Variants in VWA8 observed in about 807,000 individuals in gnomAD.
The protein encoded by VWA8 is von Willebrand factor A domain containing 8, also known as von Willebrand factor A domain-containing protein 8.
VWA8 carries 221 observed loss-of-function variants against 241.5 expected under a neutral mutation model. The observed-to-expected ratio is 0.91, with a 90% CI of 0.82 to 1.02. The LOEUF (loss-of-function observed/expected upper bound fraction) is 1.02. VWA8 is among the 50% of genes least tolerant of loss of function. The pLI is 0.00. For synonymous variants in VWA8, 852 were observed against 827.1 expected, an observed-to-expected ratio of 1.03 and a Z score of -0.52; for missense variants, 2,322 against 2,328.7, an observed-to-expected ratio of 1.00 and a Z score of 0.06.
chr13:41,881,795 A>C (rs1233108291), intron 9 of VWA8, among the ~76,000 whole-genome samples: 3 of 131,382 alleles, frequency 2.3e-5, no homozygotes, highest in South Asian at 5.3e-4. Context: ...ACTTCCCAGT[A>C]GGGGCGGCCG....
At chr13:41,747,289 C>T (rs940197776) in intron 21 of VWA8, among the ~76,000 whole-genome samples, 3 of 151,980 alleles carry the variant, frequency 2.0e-5, no homozygotes, top group East Asian at 1.9e-4. Context: ...AGTGGTTTGT[C>T]GTTCTCCTTG....
chr13:41,928,728 C>T (rs1876964471), intron 2 of VWA8, among the ~76,000 whole-genome samples: 1 of 151,304 alleles, frequency 6.6e-6, no homozygotes, highest in Non-Finnish European at 1.5e-5. Flanking sequence ...AAATAAACAT[C>T]ATAACAGAAA....
chr13:41,618,022 T>C (rs2044632917), intron 37 of VWA8, among the ~76,000 whole-genome samples: 1 of 152,230 alleles, frequency 6.6e-6, no homozygotes, highest in Non-Finnish European at 1.5e-5. Context: ...CAAATGGTAT[T>C]TCTAGTTCTA....
intron 20 of VWA8, among the ~76,000 whole-genome samples, chr13:41,765,956 C>CTGTG (rs1470357929): frequency 6.6e-6 from 1 of 152,114 alleles, no homozygotes; most frequent in Non-Finnish European, 1.5e-5. Flanking sequence ...TTCTGCTGGA[C>CTGTG]TGTGCTCTTC....
At chr13:41,902,202 T>C (rs189316165) in intron 4 of VWA8, among the ~76,000 whole-genome samples, 11 of 152,206 alleles carry the variant, frequency 7.2e-5, no homozygotes, top group Non-Finnish European at 1.6e-4. Context: ...TGATGAAATA[T>C]TGTACGGATA....
At chr13:41,833,556 C>G in intron 12 of VWA8, 25 bp from the exon 13 acceptor site, 1 of 1,577,532 alleles carries the variant, frequency 6.3e-7, no homozygotes, top group Non-Finnish European at 8.6e-7. Flanking sequence ...CACCACCCAA[C>G]AAAGAACATG....
At chr13:41,583,642 CAAAAAAAAAA>C (rs935505646) in intron 42 of VWA8, among the ~76,000 whole-genome samples, 22 of 42,182 alleles carry the variant, frequency 5.2e-4, no homozygotes, top group East Asian at 2.0e-3. Context: ...GACTCCATCT[CAAAAAAAAAA>C]AAAAAAAAAA....
At chr13:41,940,366 G>T (rs1877542128) in intron 2 of VWA8, among the ~76,000 whole-genome samples, 1 of 151,758 alleles carries the variant, frequency 6.6e-6, no homozygotes, top group Non-Finnish European at 1.5e-5. Flanking sequence ...AAGTAAGAGG[G>T]TATCAAACTT....
At position 41,573,123 on chromosome 13, in the gene VWA8, A is replaced by AAAAAAG. The variant is rs1555303453; in HGVS notation, c.5371-2418_5371-2417insCTTTTT. On this transcript the variant is annotated intron_variant, in intron 43 of 44. Coordinates refer to ENST00000379310, the MANE Select transcript of VWA8 (RefSeq NM_015058.2). ...GACACCGTTTCAAAAAAAAAAAAAA[A>AAAAAAG]AAAAGAAACAAGCCAGGCACGGTGG... is the stretch of plus-strand genomic sequence containing the variant. 9.4e-4 allele frequency among the ~76,000 whole-genome samples: 142 copies of AAAAAAG among 150,436 alleles called. 2 individuals carry two copies. The highest frequency in any genetic ancestry group is 3.1e-3 in the African/African-American group (127 of 40,818).
At chr13:41,840,773 T>G (rs1357066913) in intron 12 of VWA8, among the ~76,000 whole-genome samples, 3 of 146,712 alleles carry the variant, frequency 2.0e-5, no homozygotes, top group East Asian at 2.0e-4. Flanking sequence ...AAAAAAAAGG[T>G]ACATAAGTCA....
At chr13:41,946,937 T>A (rs1341498066) in intron 2 of VWA8, among the ~76,000 whole-genome samples, 1 of 152,220 alleles carries the variant, frequency 6.6e-6, no homozygotes, top group East Asian at 1.9e-4. Context: ...CTAATCACCC[T>A]TGATAGCTGA....
chr13:41,858,290 G>A (rs1043776018), intron 12 of VWA8, among the ~76,000 whole-genome samples: 1 of 152,114 alleles, frequency 6.6e-6, no homozygotes, highest in African/African-American at 2.4e-5. Context: ...AAAGAGGCAG[G>A]CGACAAAGCA....
At chr13:41,901,992 A>G (rs1269047176) in intron 4 of VWA8, among the ~76,000 whole-genome samples, 4 of 150,016 alleles carry the variant, frequency 2.7e-5, no homozygotes, top group Non-Finnish European at 5.9e-5. Context: ...CATAACAACG[A>G]GCAAACACTT....
At chr13:41,584,376 G>A (rs544234497) in intron 42 of VWA8, among the ~76,000 whole-genome samples, 4 of 152,232 alleles carry the variant, frequency 2.6e-5, no homozygotes, top group African/African-American at 7.2e-5. Context: ...GGCCTCCGAG[G>A]TGACCCCAGT....
chr13:41,858,475 G>A (rs1182526928), intron 12 of VWA8, among the ~76,000 whole-genome samples: 1 of 152,040 alleles, frequency 6.6e-6, no homozygotes, highest in Non-Finnish European at 1.5e-5. Flanking sequence ...GTGTGGTGGT[G>A]TGGGCCTATA....
At chr13:41,870,910 A>C (rs999964945) in intron 9 of VWA8, among the ~76,000 whole-genome samples, 1 of 152,216 alleles carries the variant, frequency 6.6e-6, no homozygotes, top group Non-Finnish European at 1.5e-5. Flanking sequence ...TAAAAACCTC[A>C]AATTGCAAGG....
At chr13:41,766,660 G>C (rs762567064) in intron 20 of VWA8, among the ~76,000 whole-genome samples, 5 of 152,178 alleles carry the variant, frequency 3.3e-5, no homozygotes, top group Admixed American at 1.3e-4. Flanking sequence ...CTAGCCTTCT[G>C]ATAAAATGTT....
intron 10 of VWA8, among the ~76,000 whole-genome samples, chr13:41,866,793 A>C (rs1435587654): frequency 1.3e-5 from 2 of 152,136 alleles, no homozygotes; most frequent in Non-Finnish European, 2.9e-5. Flanking sequence ...TGACCTCCTG[A>C]TTTCTAAAAG....
intron 6 of VWA8, 86 bp from the exon 7 acceptor site, chr13:41,886,916 TTTAA>T: frequency 1.8e-6 from 2 of 1,082,414 alleles, no homozygotes; most frequent in Non-Finnish European, 2.7e-6. Flanking sequence ...AATCCAACCT[TTTAA>T]TTAAGCAGAC....
Sources: allele counts gnomAD v4.1 joint callset (sites outside exome capture counted in the v4.1 genomes callset), GRCh38; gene constraint gnomAD v4.1.1; transcripts MANE v1.5; gene names NCBI Gene and HGNC (gene_info 2026-07-23, HGNC 2026-07-21).